Variants in BIN3 observed in about 807,000 individuals in gnomAD.
The protein encoded by BIN3 is bridging integrator 3.
Under a neutral mutation model 38.2 loss-of-function variants are expected in BIN3, and 41 were observed. The ratio of observed to expected loss-of-function variants is 1.07; its 90% confidence interval spans 0.84 to 1.39. BIN3 has a LOEUF of 1.39. BIN3 is among the 40% of genes most tolerant of loss of function. BIN3 has a pLI of 0.00. For missense variants in BIN3, 361 were observed against 324.3 expected (o/e 1.11, Z -0.87); for synonymous variants, 145 against 122.6 (o/e 1.18, Z -1.21).
chr8:22,648,483 C>T (rs73229845), intron 1 of BIN3, among the ~76,000 whole-genome samples: 49,773 of 152,022 alleles, frequency 0.33, 8,444 homozygotes, highest in East Asian at 0.6. Context: ...CCAACTTGGA[C>T]TTGTCTGATG....
rs1455159759 is a variant in BIN3, at chr8:22,652,102, C to T, written c.9-7299G>A. Among the ~76,000 whole-genome samples the T allele has an allele frequency of 2.6e-5, 4 of 151,624 alleles. No individual in the cohort carries two copies. The East Asian group carries it at 7.7e-4, about 29-fold the overall frequency. ...TTTTTATTTCATGGATGCCTTATCTCTCTGAGGATCTTAACAACAGCTTTA... is the reference window on the plus strand; with the variant it reads ...TTTTTATTTCATGGATGCCTTATCTTTCTGAGGATCTTAACAACAGCTTTA... On this transcript the variant is annotated intron_variant, in intron 1 of 8. Transcript: ENST00000276416.
At chr8:22,661,352 CTTT>C (rs751194383) in intron 1 of BIN3, among the ~76,000 whole-genome samples, 5 of 84,448 alleles carry the variant, frequency 5.9e-5, no homozygotes, top group African/African-American at 2.0e-4. Context: ...ATGTATCATT[CTTT>C]TTTTTTTTTT....
chr8:22,658,812 G>A (rs185927270), intron 1 of BIN3, among the ~76,000 whole-genome samples: 231 of 152,258 alleles, frequency 1.5e-3, no homozygotes, highest in Admixed American at 2.9e-3. Flanking sequence ...AGGTGAGAAT[G>A]GAGGGAGGGC....
intron 6 of BIN3, chr8:22,625,035 T>C: frequency 2.5e-6 from 1 of 394,262 alleles, no homozygotes; most frequent in Non-Finnish European, 4.6e-6. Context: ...AGAAATCCTC[T>C]GGCTCTGCCA....
Position 22,621,212 on chromosome 8 carries a change from T to C in BIN3, c.*210A>G, listed in dbSNP as rs1011821298. The C allele has an allele frequency of 6.4e-6, 4 of 628,412 alleles. No homozygotes were observed. The highest frequency in any genetic ancestry group is 6.0e-5 in the Admixed American group (2 of 33,596). 38.9% of individuals were successfully genotyped at this position (628,412 alleles called of 1,614,324 possible). A position where few individuals can be genotyped will look rare whatever the true frequency, so the allele number is the denominator to read the frequency against. On this transcript the variant is annotated 3_prime_UTR_variant, in exon 9 of 9. Transcript: ENST00000276416. ...AAAAGCCCCAAGGGTTTGTCTACACTGCTTACCTGCTGGGGCTGTGAGTGG... is the reference window on the plus strand; with the variant it reads ...AAAAGCCCCAAGGGTTTGTCTACACCGCTTACCTGCTGGGGCTGTGAGTGG...
At chr8:22,639,588 T>G (rs1226066183) in intron 2 of BIN3, among the ~76,000 whole-genome samples, 3 of 152,180 alleles carry the variant, frequency 2.0e-5, no homozygotes, top group Non-Finnish European at 4.4e-5. Context: ...TGGTTCCTTT[T>G]GAGGATTAAG....
intron 1 of BIN3, among the ~76,000 whole-genome samples, chr8:22,661,573 G>C (rs765521068): frequency 2.8e-4 from 43 of 151,674 alleles, no homozygotes; most frequent in Non-Finnish European, 5.0e-4. Context: ...GGCCAGGCTG[G>C]TCTTGAACTC....
chr8:22,664,897 A>T (rs761505772), intron 1 of BIN3, among the ~76,000 whole-genome samples: 3 of 152,244 alleles, frequency 2.0e-5, no homozygotes, highest in Non-Finnish European at 4.4e-5. Context: ...AAAAAAACTG[A>T]ATAATGGTTT....
intron 1 of BIN3, among the ~76,000 whole-genome samples, chr8:22,648,195 T>C (rs1183395175): frequency 2.0e-5 from 3 of 151,954 alleles, no homozygotes; most frequent in Non-Finnish European, 4.4e-5. Flanking sequence ...ATTCCTATGT[T>C]GCCCACCCTC....
At chr8:22,662,421 C>A (rs1585206839) in intron 1 of BIN3, among the ~76,000 whole-genome samples, 1 of 152,310 alleles carries the variant, frequency 6.6e-6, no homozygotes. Flanking sequence ...CTAATAGGAC[C>A]AAACATCTTT....
At chr8:22,654,357 A>G (rs1029041516) in intron 1 of BIN3, among the ~76,000 whole-genome samples, 13 of 152,254 alleles carry the variant, frequency 8.5e-5, no homozygotes, top group Non-Finnish European at 1.6e-4. Context: ...ATAACATACC[A>G]TAACATTCAC....
chr8:22,654,074 C>A (rs561062787), intron 1 of BIN3, among the ~76,000 whole-genome samples: 1 of 152,310 alleles, frequency 6.6e-6, no homozygotes, highest in African/African-American at 2.4e-5. Flanking sequence ...AACTCCCAAA[C>A]CTTTGAGAAT....
At chr8:22,665,639 C>T (rs1429591173) in intron 1 of BIN3, among the ~76,000 whole-genome samples, 1 of 151,938 alleles carries the variant, frequency 6.6e-6, no homozygotes, top group Non-Finnish European at 1.5e-5. Context: ...GACAGTTATC[C>T]AGAGGCACAT....
At chr8:22,639,712 T>A (rs1015789605) in intron 2 of BIN3, among the ~76,000 whole-genome samples, 1 of 152,196 alleles carries the variant, frequency 6.6e-6, no homozygotes, top group Non-Finnish European at 1.5e-5. Context: ...CCAGAGCAAT[T>A]TGGGGCTGCA....
intron 4 of BIN3, among the ~76,000 whole-genome samples, chr8:22,632,164 C>T (rs777386080): frequency 2.0e-5 from 3 of 152,210 alleles, no homozygotes; most frequent in Admixed American, 6.5e-5. Context: ...ATTTCAGAGA[C>T]ATTAACTGTG....
chr8:22,651,385 G>A (rs1335716427), intron 1 of BIN3, among the ~76,000 whole-genome samples: 2 of 152,202 alleles, frequency 1.3e-5, no homozygotes, highest in Non-Finnish European at 2.9e-5. Context: ...CCCCAGCCGT[G>A]AGGCTCTCAG....
chr8:22,631,911 C>T (rs1373344395), intron 4 of BIN3, among the ~76,000 whole-genome samples: 1 of 152,128 alleles, frequency 6.6e-6, no homozygotes, highest in East Asian at 1.9e-4. Context: ...ATTCTAGAAA[C>T]AAAATTCTGG....
At position 22,636,160 on chromosome 8, in the gene BIN3, C is replaced by G. The variant is rs148163179; in HGVS notation, c.160+365G>C. ...CTGGAGCGCCTGTCCCAGCAGGCCACGGAGTCTCGTTTCTGCGGGAAGGAA... is the reference window on the plus strand; with the variant it reads ...CTGGAGCGCCTGTCCCAGCAGGCCAGGGAGTCTCGTTTCTGCGGGAAGGAA... On this transcript the variant is annotated intron_variant, in intron 4 of 8. Transcript: ENST00000276416. Among the ~76,000 whole-genome samples, 983 of 152,324 alleles carry G rather than the reference C, an allele frequency of 6.5e-3. 17 individuals are homozygous for G. The highest frequency in any genetic ancestry group is 0.023 in the African/African-American group (946 of 41,556).
chr8:22,621,279 G>A lies in BIN3; in HGVS notation c.*143C>T. The A allele has an allele frequency of 8.9e-7, 1 of 1,121,344 alleles. No individual in the cohort carries two copies. The highest frequency in any genetic ancestry group is 1.2e-6 in the Non-Finnish European group (1 of 809,102). The allele number at this position is 1,121,344 out of a possible 1,614,324, so 69.5% of individuals were successfully genotyped here. A position where few individuals can be genotyped will look rare whatever the true frequency, so the allele number is the denominator to read the frequency against. ...CTAGGGCTCCTGGTGCCAGGCTCAG[G>A]AAGAGTCATTCATTGCAAAGGGCCG... On this transcript the variant is annotated 3_prime_UTR_variant, in exon 9 of 9. Transcript: ENST00000276416.
Sources: allele counts gnomAD v4.1 joint callset (sites outside exome capture counted in the v4.1 genomes callset), GRCh38; gene constraint gnomAD v4.1.1; transcripts MANE v1.5; gene names NCBI Gene and HGNC (gene_info 2026-07-23, HGNC 2026-07-21).